The following MPP7 variants were observed in gnomAD, a reference collection of about 807,000 sequenced individuals.
The protein encoded by MPP7 is MAGUK p55 scaffold protein 7, also known as MAGUK p55 subfamily member 7.
Under a neutral mutation model 76.5 loss-of-function variants are expected in MPP7, and 60 were observed. That is an observed-to-expected ratio of 0.78 (90% CI 0.64 to 0.97). MPP7 has a LOEUF of 0.97. Among genes scored for constraint, MPP7 ranks in the 50% least tolerant of loss-of-function variants. The probability of loss-of-function intolerance (pLI) is 0.00; values close to 1 mark genes in which losing one functional copy is unlikely to be tolerated. For missense variants in MPP7, 641 were observed against 694.0 expected (o/e 0.92, Z 0.86); for synonymous variants, 237 against 244.5 (o/e 0.97, Z 0.29).
intron 5 of MPP7, among the ~76,000 whole-genome samples, chr10:28,137,316 T>C (rs1324616525): frequency 1.3e-5 from 2 of 152,194 alleles, no homozygotes; most frequent in Non-Finnish European, 2.9e-5. Flanking sequence ...CCAGCAGACT[T>C]GCATTGCAAG....
At chr10:28,108,911 C>A (rs1199275110) in intron 11 of MPP7, among the ~76,000 whole-genome samples, 2 of 152,018 alleles carry the variant, frequency 1.3e-5, no homozygotes, top group Non-Finnish European at 2.9e-5. Flanking sequence ...GAAAGTTGGT[C>A]ATAAGGCTTA....
chr10:28,119,391 C>A (rs1834757070), intron 11 of MPP7, among the ~76,000 whole-genome samples: 1 of 152,016 alleles, frequency 6.6e-6, no homozygotes, highest in Non-Finnish European at 1.5e-5. Flanking sequence ...ATTTGGAAAT[C>A]AAAGACAGTA....
intron 2 of MPP7, among the ~76,000 whole-genome samples, chr10:28,222,871 T>C (rs1001769811): frequency 7.4e-6 from 1 of 134,704 alleles, no homozygotes; most frequent in African/African-American, 2.9e-5. Context: ...AAAAACCTAG[T>C]GATTTGGCTA....
chr10:28,300,035 G>A (rs935450107), intron 1 of MPP7, among the ~76,000 whole-genome samples: 2 of 152,164 alleles, frequency 1.3e-5, no homozygotes, highest in Non-Finnish European at 2.9e-5. Flanking sequence ...CCAAAGTGCT[G>A]GGATTACAGG....
intron 11 of MPP7, among the ~76,000 whole-genome samples, chr10:28,099,563 G>A (rs1853718719): frequency 6.6e-6 from 1 of 152,170 alleles, no homozygotes; most frequent in African/African-American, 2.4e-5. Context: ...CCAACCCTCT[G>A]GGAGGCCGAG....
chr10:28,325,139 C>CT (rs1038228380), intron 2 of MPP7, among the ~76,000 whole-genome samples: 2 of 152,122 alleles, frequency 1.3e-5, no homozygotes, highest in Non-Finnish European at 2.9e-5. Context: ...AGTGATCCTC[C>CT]TGCCTTGGCC....
intron 12 of MPP7, among the ~76,000 whole-genome samples, chr10:28,070,925 T>C (rs1852215691): frequency 6.6e-6 from 1 of 152,320 alleles, no homozygotes; most frequent in African/African-American, 2.4e-5. Flanking sequence ...CTTCTCACAA[T>C]GCTGCCATCA....
intron 2 of MPP7, among the ~76,000 whole-genome samples, chr10:28,328,365 A>G (rs745759381): frequency 3.9e-5 from 6 of 152,162 alleles, no homozygotes; most frequent in Non-Finnish European, 8.8e-5. Context: ...AATTTTAAAT[A>G]TGGCAAGGAT....
intron 5 of MPP7, among the ~76,000 whole-genome samples, chr10:28,146,853 A>C (rs993691836): frequency 1.3e-5 from 2 of 152,200 alleles, no homozygotes; most frequent in African/African-American, 4.8e-5. Context: ...GATTTAGTGC[A>C]GTAATGACTT....
intron 11 of MPP7, among the ~76,000 whole-genome samples, chr10:28,099,700 G>C (rs190648786): frequency 7.2e-5 from 11 of 152,148 alleles, no homozygotes; most frequent in Admixed American, 2.6e-4. Context: ...CCAGCTACTC[G>C]GGAGGCTGAG....
chr10:28,185,350 G>A (rs576393482), intron 3 of MPP7, among the ~76,000 whole-genome samples: 1 of 152,160 alleles, frequency 6.6e-6, no homozygotes, highest in East Asian at 1.9e-4. Context: ...TGCCAGCTCT[G>A]AATTCTGACT....
At chr10:28,202,114 T>C (rs1223881883) in intron 3 of MPP7, 39 bp downstream of exon 3, 1 of 1,417,020 alleles carries the variant, frequency 7.1e-7, no homozygotes, top group Non-Finnish European at 9.9e-7. Flanking sequence ...TTTTTCCATA[T>C]GCTTTTCGCA....
At chr10:28,298,618 G>A (rs1184180455) in intron 1 of MPP7, among the ~76,000 whole-genome samples, 1 of 152,194 alleles carries the variant, frequency 6.6e-6, no homozygotes, top group African/African-American at 2.4e-5. Flanking sequence ...TAGATGAGCA[G>A]TGGCTTCAAC....
intron 1 of MPP7, among the ~76,000 whole-genome samples, chr10:28,292,566 T>C (rs1056492022): frequency 6.6e-6 from 1 of 152,188 alleles, no homozygotes; most frequent in Non-Finnish European, 1.5e-5. Flanking sequence ...ATACAATTGC[T>C]AGACTCCACT....
intron 3 of MPP7, among the ~76,000 whole-genome samples, chr10:28,171,199 G>C (rs916763687): frequency 1.3e-5 from 2 of 152,160 alleles, no homozygotes; most frequent in African/African-American, 4.8e-5. Flanking sequence ...AGTATACTTT[G>C]TGGAGGCGTT....
At chr10:28,277,123 G>T (rs1335498677) in intron 1 of MPP7, among the ~76,000 whole-genome samples, 1 of 151,986 alleles carries the variant, frequency 6.6e-6, no homozygotes, top group Non-Finnish European at 1.5e-5. Flanking sequence ...GGAGGTCAAG[G>T]CTGCAGTAAG....
intron 6 of MPP7, among the ~76,000 whole-genome samples, chr10:28,128,495 G>A (rs1389103632): frequency 6.6e-6 from 1 of 152,158 alleles, no homozygotes; most frequent in East Asian, 1.9e-4. Context: ...TGGTGGCATG[G>A]ATCTGACTGG....
At chr10:28,072,721 C>T (rs549762719) in intron 12 of MPP7, among the ~76,000 whole-genome samples, 62 of 152,306 alleles carry the variant, frequency 4.1e-4, no homozygotes, top group Middle Eastern at 3.4e-3. Context: ...TGACATGGCA[C>T]GCCTGGCCTT....
intron 12 of MPP7, among the ~76,000 whole-genome samples, chr10:28,077,910 T>A (rs1280638703): frequency 6.6e-6 from 1 of 152,192 alleles, no homozygotes; most frequent in African/African-American, 2.4e-5. Flanking sequence ...ATGACAGGCA[T>A]GTGTGACATG....
Sources: gnomAD v4.1 joint callset for allele counts (sites outside exome capture counted in the v4.1 genomes callset) on GRCh38, gnomAD v4.1.1 for gene constraint, MANE v1.5 for transcripts, NCBI Gene and HGNC (gene_info 2026-07-23, HGNC 2026-07-21) for gene names.